The following RPGRIP1 variants were observed in gnomAD, a reference collection of about 807,000 sequenced individuals.
RPGRIP1 encodes the protein X-linked retinitis pigmentosa GTPase regulator-interacting protein 1.
A neutral mutation model predicts 157.9 loss-of-function variants in RPGRIP1; 128 were observed. The ratio of observed to expected loss-of-function variants is 0.81; its 90% CI spans 0.70 to 0.94. The LOEUF is 0.94. Among genes scored for constraint, RPGRIP1 ranks in the 40% least tolerant of loss-of-function variants. The pLI, the probability that RPGRIP1 is intolerant of heterozygous loss-of-function variation, is 0.00. For synonymous variants in RPGRIP1, 554 were observed against 571.6 expected, an observed-to-expected ratio of 0.97 and a Z score of 0.44; for missense variants, 1,486 against 1,545.8, an observed-to-expected ratio of 0.96 and a Z score of 0.65.
In RPGRIP1 at chr14:21,291,807, C is replaced by T. The variant is rs558295071; in HGVS notation, c.86-2870C>T. On this transcript the variant is annotated intron_variant, in intron 2 of 24. Coordinates refer to ENST00000400017, the MANE Select transcript of RPGRIP1 (RefSeq NM_020366.4). ...TGGAGTCTCGCTTTTGTTGCCCAGGCTGGAGGCAACGGTGCGATCTTGGCC... is the reference window on the plus strand; with the variant it reads ...TGGAGTCTCGCTTTTGTTGCCCAGGTTGGAGGCAACGGTGCGATCTTGGCC... 5.9e-5 allele frequency among the ~76,000 whole-genome samples: 9 copies of T among 152,142 alleles called. No individual in the cohort carries two copies. In the East Asian group the frequency reaches 1.2e-3, roughly 20 times the overall value.
At chr14:21,348,386 T>C in intron 24 of RPGRIP1, 84 bp downstream of exon 24, 1 of 1,073,626 alleles carries the variant, frequency 9.3e-7, no homozygotes, top group Non-Finnish European at 1.3e-6. Context: ...TACATAATTA[T>C]TACTATGAAG....
At chr14:21,336,057 A>G (rs1007177508) in intron 21 of RPGRIP1, among the ~76,000 whole-genome samples, 3 of 152,194 alleles carry the variant, frequency 2.0e-5, no homozygotes, top group Admixed American at 2.0e-4. Flanking sequence ...AAGGAGGTAG[A>G]TTGTGTAATA....
At chr14:21,289,192 G>A (rs1309492255) in intron 2 of RPGRIP1, among the ~76,000 whole-genome samples, 1 of 152,046 alleles carries the variant, frequency 6.6e-6, no homozygotes, top group Non-Finnish European at 1.5e-5. Context: ...GCTGGGCGTT[G>A]TGGCGGGCGC....
intron 11 of RPGRIP1, among the ~76,000 whole-genome samples, chr14:21,319,431 G>A (rs765785213): frequency 2.6e-4 from 40 of 152,054 alleles, no homozygotes; most frequent in Non-Finnish European, 5.7e-4. Context: ...TCGTAGTGTC[G>A]TGCGCCTGTA....
chr14:21,322,028 C>G (rs928689860), intron 14 of RPGRIP1, 24 bp downstream of exon 14: 4 of 1,601,404 alleles, frequency 2.5e-6, no homozygotes, highest in Non-Finnish European at 3.4e-6. Context: ...CTTTGTTCTC[C>G]TCACTTCGGG....
At chr14:21,317,944 CA>C in intron 11 of RPGRIP1, 94 bp downstream of exon 11, 1 of 1,038,202 alleles carries the variant, frequency 9.6e-7, no homozygotes, top group Non-Finnish European at 1.4e-6. Flanking sequence ...TTAATCCCCT[CA>C]CTTGATCCTA....
chr14:21,318,948 G>T (rs1882097842), intron 11 of RPGRIP1, among the ~76,000 whole-genome samples: 1 of 152,040 alleles, frequency 6.6e-6, no homozygotes, highest in Admixed American at 6.6e-5. Flanking sequence ...CAGGAGATAG[G>T]TATTTGGAAC....
intron 1 of RPGRIP1, among the ~76,000 whole-genome samples, chr14:21,281,507 G>A (rs1729115545): frequency 6.6e-6 from 1 of 151,494 alleles, no homozygotes; most frequent in Admixed American, 6.6e-5. Context: ...TGGCCAACAT[G>A]GCAAAACCCT....
intron 21 of RPGRIP1, among the ~76,000 whole-genome samples, chr14:21,338,341 C>T (rs11848323): frequency 0.22 from 33,059 of 151,976 alleles, 5,150 homozygotes; most frequent in African/African-American, 0.44. Flanking sequence ...CTTATCGTGT[C>T]AATTTCAGGT....
intron 2 of RPGRIP1, among the ~76,000 whole-genome samples, chr14:21,291,506 A>G (rs972171193): frequency 6.6e-6 from 1 of 152,218 alleles, no homozygotes; most frequent in African/African-American, 2.4e-5. Context: ...ATGAAAAAAT[A>G]AGCTTTTTTA....
Position 21,303,385 on chromosome 14 carries a change from A to G in RPGRIP1, c.642A>G (p.Lys214=). The G allele has an allele frequency of 6.2e-7, 1 of 1,613,874 alleles. No homozygotes were observed. Among genetic ancestry groups the G allele is most frequent in the Non-Finnish European group, 8.5e-7 (1 of 1,179,824 alleles). The change falls in exon 6 of 25, where the codon AAA becomes AAG. Residue 214 remains lysine, a synonymous_variant. Coordinates refer to ENST00000400017, the MANE Select transcript of RPGRIP1 (RefSeq NM_020366.4). ...TCAGCAGTGTCATAAGTATGGCTAA[A>G]CCCATTGGTCTATGCATGCCTAACA... The part of the protein sequence containing the change: ...ISFSSVISMA[K]PIGLCMPNSA...
At chr14:21,329,337 T>C (rs540397396) in intron 19 of RPGRIP1, among the ~76,000 whole-genome samples, 59 of 151,734 alleles carry the variant, frequency 3.9e-4, no homozygotes, top group Non-Finnish European at 4.4e-4. Flanking sequence ...AAAAATAAGA[T>C]AAGCCATAAT....
chr14:21,283,791 G>A (rs929515014), intron 1 of RPGRIP1, among the ~76,000 whole-genome samples: 4 of 151,934 alleles, frequency 2.6e-5, no homozygotes, highest in Admixed American at 6.6e-5. Context: ...CCGAGTAGCC[G>A]GATTACAGGC....
chr14:21,346,244 G>GAGAT (rs1274661133), intron 23 of RPGRIP1, among the ~76,000 whole-genome samples: 14 of 137,818 alleles, frequency 1.0e-4, no homozygotes, highest in African/African-American at 3.7e-4. Context: ...TAAAATGTGG[G>GAGAT]ACATACCCAA....
rs559905596 is a variant in RPGRIP1 at position 21,326,126 on chromosome 14, G to T, written c.2663G>T (p.Arg888Leu). ...TTAGAGCCTGGCTCGTATCTTGGCC[G>T]AGCCCGAGTGCCTTTACTGCCTCTT... ...EDLEPGSYLGRARVPLLPLAK... is the reference protein window; with the variant it reads ...EDLEPGSYLGLARVPLLPLAK... The change falls in exon 17 of 25, where the codon CGA (arginine) becomes CTA (leucine). Residue 888 changes from arginine to leucine, a missense_variant. Transcript: ENST00000400017. 1 of 1,599,628 alleles carries T rather than the reference G, an allele frequency of 6.3e-7. No homozygotes were observed. The highest frequency in any genetic ancestry group is 1.1e-5 in the South Asian group (1 of 89,664).
intron 19 of RPGRIP1, among the ~76,000 whole-genome samples, chr14:21,329,174 G>T (rs376737570): frequency 1.3e-5 from 2 of 151,232 alleles, no homozygotes; most frequent in Non-Finnish European, 2.9e-5. Flanking sequence ...AATTAGCCAG[G>T]CATGGTGGTA....
chr14:21,326,253 A>G (rs1883094409), intron 17 of RPGRIP1, 80 bp downstream of exon 17: 6 of 938,148 alleles, frequency 6.4e-6, no homozygotes, highest in Non-Finnish European at 9.5e-6. Context: ...TTCTTTGATT[A>G]CTTGCTTGAA....
chr14:21,334,563 T>A, intron 20 of RPGRIP1, 42 bp from the exon 21 acceptor site: 1 of 1,370,156 alleles, frequency 7.3e-7, no homozygotes, highest in Non-Finnish European at 1.0e-6. Context: ...TGGGCTAAAG[T>A]GCTTTGAAAC....
chr14:21,350,391 A>AAAAAAAAAAC (rs61359212), intron 24 of RPGRIP1, among the ~76,000 whole-genome samples: 3 of 142,784 alleles, frequency 2.1e-5, no homozygotes, highest in African/African-American at 7.9e-5. Context: ...AAAAAAAAAA[A>AAAAAAAAAAC]AAAAAGAAAA....
Sources: allele counts gnomAD v4.1 joint callset (sites outside exome capture counted in the v4.1 genomes callset), GRCh38; gene constraint gnomAD v4.1.1; transcripts MANE v1.5; gene names NCBI Gene and HGNC (gene_info 2026-07-23, HGNC 2026-07-21).